NEU3: variants seen among roughly 807,000 people sequenced by gnomAD.
NEU3 encodes the protein neuraminidase 3.
In NEU3, 10 loss-of-function variants were observed where a neutral mutation model predicts 11.4. That is an observed-to-expected ratio of 0.88 (90% CI 0.54 to 1.49). NEU3 has a LOEUF of 1.49. Among genes scored for constraint, NEU3 ranks in the 40% most tolerant of loss-of-function variants. The pLI is 0.00. For missense variants in NEU3, 529 were observed against 581.8 expected, an observed-to-expected ratio of 0.91 and a Z score of 0.93; for synonymous variants, 212 against 228.2, an observed-to-expected ratio of 0.93 and a Z score of 0.64.
Position 74,994,726 on chromosome 11 carries a change from TCTTC to T in NEU3, c.306+7_306+10del, listed in dbSNP as rs1948770396. 4 of 1,612,272 alleles carry T rather than the reference TCTTC, an allele frequency of 2.5e-6. No homozygotes were observed. Among genetic ancestry groups the T allele is most frequent in the Middle Eastern group, 1.6e-4 (1 of 6,082 alleles). Reference sequence around the variant, plus strand: ...GGATTGGGCAGTTGGTACAGGTGACTCTTCATCCCAGATCTGAGTCTGGGCCTCA... The same window carrying T: ...GGATTGGGCAGTTGGTACAGGTGACTATCCCAGATCTGAGTCTGGGCCTCA... On this transcript the variant is annotated splice_region_variant and intron_variant, in intron 2 of 2. Coordinates refer to ENST00000294064, the MANE Select transcript of NEU3 (RefSeq NM_006656.6).
At chr11:74,988,605 G>T (rs1948692766), upstream of NEU3, 1 of 173,324 alleles carries the variant, frequency 5.8e-6, no homozygotes, top group African/African-American at 2.4e-5. Context: ...CTGAGGCCGG[G>T]AACCTTTGCT....
At chr11:75,014,310 G>A (rs1409544277), downstream of NEU3, among the ~76,000 whole-genome samples, 1 of 152,206 alleles carries the variant, frequency 6.6e-6, no homozygotes, top group East Asian at 1.9e-4. Context: ...CCTCAGACAC[G>A]AGGCAGATCT....
chr11:75,006,459 T>A lies in NEU3; in HGVS notation c.1353T>A (p.Pro451=), dbSNP rs369109760. 2.9e-5 allele frequency: 46 copies of A among 1,613,282 alleles called. No homozygotes were observed. Among genetic ancestry groups the A allele is most frequent in the Non-Finnish European group, 3.8e-5 (45 of 1,179,498 alleles). Reference sequence around the variant, plus strand: ...ACCTGCAGGGGGACTGCACCAGCCCTGGTAGGAACCCAAGCCAATTCAAAA... The same window carrying A: ...ACCTGCAGGGGGACTGCACCAGCCCAGGTAGGAACCCAAGCCAATTCAAAA... ...LSHLQGDCTS[P]GRNPSQFKSN Residue 451 remains proline (P), a synonymous_variant, in exon 3 of 3, where the codon CCT becomes CCA. Transcript: ENST00000294064.
intron 2 of NEU3, among the ~76,000 whole-genome samples, chr11:74,999,107 C>A (rs1948819183): frequency 6.6e-6 from 1 of 151,748 alleles, no homozygotes; most frequent in Non-Finnish European, 1.5e-5. Flanking sequence ...CACCACTGTG[C>A]CCAGCCTTTT....
chr11:74,998,299 G>A (rs75332379), intron 2 of NEU3, among the ~76,000 whole-genome samples: 20 of 152,236 alleles, frequency 1.3e-4, no homozygotes, highest in African/African-American at 3.1e-4. Context: ...AGAATTAACC[G>A]AAACATGACA....
intron 2 of NEU3, among the ~76,000 whole-genome samples, chr11:75,004,788 G>T (rs748224678): frequency 4.6e-5 from 7 of 152,130 alleles, no homozygotes; most frequent in Non-Finnish European, 7.4e-5. Flanking sequence ...CAAAAGTTAT[G>T]AATTGCCTTC....
upstream of NEU3, among the ~76,000 whole-genome samples, chr11:74,985,238 G>T (rs1226964278): frequency 6.6e-6 from 1 of 152,130 alleles, no homozygotes; most frequent in Non-Finnish European, 1.5e-5. Context: ...AAGGCTTAAA[G>T]AATAATAAGA....
At chr11:75,011,476 G>T (rs1463871222), downstream of NEU3, among the ~76,000 whole-genome samples, 1 of 152,184 alleles carries the variant, frequency 6.6e-6, no homozygotes, top group Non-Finnish European at 1.5e-5. Flanking sequence ...TTCAGGCTGG[G>T]CATGGTGGTT....
chr11:75,001,729 A>G (rs564973403), intron 2 of NEU3, among the ~76,000 whole-genome samples: 1 of 151,826 alleles, frequency 6.6e-6, no homozygotes, highest in Admixed American at 6.6e-5. Context: ...TGCTATGTTT[A>G]CTCTTTTTTC....
intron 1 of NEU3, 32 bp from the exon 2 acceptor site, chr11:74,994,477 G>C (rs373067980): frequency 1.9e-6 from 3 of 1,546,050 alleles, no homozygotes; most frequent in African/African-American, 2.7e-5. Context: ...TCTGGGTATG[G>C]ACACACATTA....
At position 75,016,513 on chromosome 11, in the gene NEU3, T is replaced by C. The variant is rs1327799655; in HGVS notation, c.*2-2178T>C. Among the ~76,000 whole-genome samples, 3 of 152,208 alleles carry C rather than the reference T, an allele frequency of 2.0e-5. No homozygotes were observed. The East Asian group carries it at 5.8e-4, about 29-fold the overall frequency. The stretch of plus-strand genomic sequence containing the variant: ...GTTAACACCAAGTCCTATGGGCAGG[T>C]ATGAATTTTGAGGGGTGGGTGCCAA... On this transcript the variant is annotated intron_variant, in intron 3 of 3. Transcript: ENST00000529024.
intron 1 of NEU3, among the ~76,000 whole-genome samples, chr11:74,992,476 G>A (rs896355336): frequency 1.2e-4 from 19 of 152,180 alleles, no homozygotes; most frequent in Non-Finnish European, 2.5e-4. Context: ...CAAATGATTT[G>A]TAAAATTGGG....
downstream of NEU3, among the ~76,000 whole-genome samples, chr11:75,020,092 C>A (rs998313663): frequency 6.6e-6 from 1 of 152,180 alleles, no homozygotes; most frequent in African/African-American, 2.4e-5. Flanking sequence ...GATTTGACTG[C>A]CCTGCTGGAT....
At chr11:74,999,834 A>T (rs902001953) in intron 2 of NEU3, among the ~76,000 whole-genome samples, 7 of 152,186 alleles carry the variant, frequency 4.6e-5, no homozygotes, top group Admixed American at 1.3e-4. Context: ...TCTTTTTCAG[A>T]GAACTACTCT....
At position 75,008,203 on chromosome 11, in the gene NEU3, A is replaced by T. The variant is rs1006442188; in HGVS notation, c.*1711A>T. The T allele has an allele frequency of 2.6e-5, 4 of 152,228 alleles. No homozygotes were observed. The allele number at this position is 152,228 out of a possible 1,614,324, so 9.4% of individuals were successfully genotyped here. A position where few individuals can be genotyped will look rare whatever the true frequency, so the allele number is the denominator to read the frequency against. ...GGCTCTAAATCATTTGTGGTTCTCC[A>T]TTGCCTATTATAATGTAAAGATGTT... On this transcript the variant is annotated 3_prime_UTR_variant, in exon 3 of 3. Coordinates refer to ENST00000294064, the MANE Select transcript of NEU3 (RefSeq NM_006656.6).
upstream of NEU3, among the ~76,000 whole-genome samples, chr11:74,986,355 G>C (rs1042826238): frequency 6.6e-6 from 1 of 152,010 alleles, no homozygotes; most frequent in African/African-American, 2.4e-5. Flanking sequence ...TACTTTTCTA[G>C]GTATTGCTAA....
chr11:74,994,512 T>A lies in NEU3; in HGVS notation c.98T>A (p.Val33Asp). Residue 33 changes from valine to aspartate, a missense_variant, in exon 2 of 3, where the codon GTC becomes GAC. Val to Asp is a radical substitution (Grantham distance 152). Transcript: ENST00000294064. ...AAGCTTCCTTCTATCCTTGCAGAGG[T>A]CATGGAAGAAGTGACAACATGCTCC... The part of the protein sequence containing the change: ...ETEEPGSSAE[V>D]MEEVTTCSFN... 1 of 1,605,750 alleles carries A rather than the reference T, an allele frequency of 6.2e-7. No individual in the cohort carries two copies. The highest frequency in any genetic ancestry group is 8.5e-7 in the Non-Finnish European group (1 of 1,175,070).
chr11:75,007,613 C>G lies in NEU3; in HGVS notation c.*1121C>G, dbSNP rs1471197450. 6.6e-6 allele frequency: 1 copy of G among 152,168 alleles called. No individual in the cohort carries two copies. Among genetic ancestry groups the G allele is most frequent in the Non-Finnish European group, 1.5e-5 (1 of 68,032 alleles). 9.4% of individuals were successfully genotyped at this position (152,168 alleles called of 1,614,324 possible). On this transcript the variant is annotated 3_prime_UTR_variant, in exon 3 of 3. Transcript: ENST00000294064. ...AAGATCTTCACCATTAGGAAGATCT[C>G]TAGACCCCCAGATCTCAGAATCAGG...
Position 75,005,445 on chromosome 11 carries a change from A to G in NEU3, c.339A>G (p.Thr113=). Residue 113 remains threonine, a synonymous_variant, in exon 3 of 3, where the codon ACA becomes ACG. Transcript: ENST00000294064. ...WGPLKPLMEA[T]LPGHRTMNPC... ...CCCTGAAGCCACTGATGGAAGCCAC[A>G]CTACCGGGGCATCGGACCATGAACC... 6.2e-7 allele frequency: 1 copy of G among 1,612,924 alleles called. No individual in the cohort carries two copies. The highest frequency in any genetic ancestry group is 2.2e-5 in the East Asian group (1 of 44,864).
Sources: gnomAD v4.1 joint callset for allele counts (sites outside exome capture counted in the v4.1 genomes callset) on GRCh38, gnomAD v4.1.1 for gene constraint, MANE v1.5 for transcripts, NCBI Gene and HGNC (gene_info 2026-07-23, HGNC 2026-07-21) for gene names.